Variants in GRIK2 observed in about 807,000 individuals in gnomAD.
The protein encoded by GRIK2 is glutamate ionotropic receptor kainate type subunit 2, also known as glutamate receptor ionotropic, kainate 2.
GRIK2 carries 32 observed loss-of-function variants against 100.3 expected under a neutral mutation model. That is an observed-to-expected ratio of 0.32 (90% CI 0.24 to 0.43). The LOEUF (loss-of-function observed/expected upper bound fraction) is 0.43. GRIK2 is among the 20% of genes least tolerant of loss of function. The probability of loss-of-function intolerance (pLI) is 1.00; values close to 1 mark genes in which losing one functional copy is unlikely to be tolerated. For missense variants in GRIK2, 843 were observed against 1,114.9 expected, an observed-to-expected ratio of 0.76 and a Z score of 3.47; for synonymous variants, 417 against 389.4, an observed-to-expected ratio of 1.07 and a Z score of -0.83.
Position 101,903,784 on chromosome 6 carries a change from CA to C in GRIK2, c.1748+13932del, listed in dbSNP as rs11411245. ...CTCTATAGCCATGAAGAAGTTGGAGCAAAAAAAAAAATAATAGTTGGTAAAT... is the reference window on the plus strand; with the variant it reads ...CTCTATAGCCATGAAGAAGTTGGAGCAAAAAAAAAATAATAGTTGGTAAAT... On this transcript the variant is annotated intron_variant, in intron 12 of 16. Coordinates refer to ENST00000369134, the MANE Select transcript of GRIK2 (RefSeq NM_021956.5). 5.5e-3 allele frequency among the ~76,000 whole-genome samples: 808 copies of C among 147,916 alleles called. 8 individuals carry two copies. Among genetic ancestry groups the C allele is most frequent in the African/African-American group, 0.019 (757 of 40,698 alleles).
intron 2 of GRIK2, among the ~76,000 whole-genome samples, chr6:101,557,665 C>T (rs1456516167): frequency 4.6e-5 from 7 of 152,102 alleles, no homozygotes; most frequent in African/African-American, 9.7e-5. Context: ...TCACAGAAGC[C>T]GCTCTATAAG....
rs1475985064 is a variant in GRIK2 at position 101,565,915 on chromosome 6, TTATATATATATATATATGTGTATATA to T, written c.116-56016_116-55991del. Among the ~76,000 whole-genome samples, 1,030 of 123,308 alleles carry T rather than the reference TTATATATATATATATATGTGTATATA, an allele frequency of 8.4e-3. 35 individuals are homozygous for T. Among genetic ancestry groups the T allele is most frequent in the African/African-American group, 0.035 (998 of 28,658 alleles). 80.9% of individuals were successfully genotyped at this position (123,308 alleles called of 152,430 possible). ...CAATCTTTATCTTTATATACCTATTTTATATATATATATATATGTGTATATATATATATATATATATATAAGCAAAC... is the reference window on the plus strand; with the variant it reads ...CAATCTTTATCTTTATATACCTATTTTATATATATATATATATAAGCAAAC... On this transcript the variant is annotated intron_variant, in intron 2 of 16. Transcript: ENST00000369134.
At chr6:101,650,305 G>A (rs554888920) in intron 4 of GRIK2, among the ~76,000 whole-genome samples, 27 of 152,118 alleles carry the variant, frequency 1.8e-4, no homozygotes, top group Non-Finnish European at 2.9e-4. Context: ...GAGGAAAAAG[G>A]CGTGCTGACC....
chr6:101,693,735 T>TTA (rs1368549651), intron 7 of GRIK2, among the ~76,000 whole-genome samples: 1 of 151,808 alleles, frequency 6.6e-6, no homozygotes, highest in African/African-American at 2.4e-5. Flanking sequence ...AAATAAAAAA[T>TTA]TATATATATC....
chr6:101,643,101 A>C (rs1781357849), intron 4 of GRIK2, among the ~76,000 whole-genome samples: 1 of 151,454 alleles, frequency 6.6e-6, no homozygotes, highest in Non-Finnish European at 1.5e-5. Context: ...AGTTTCAGTA[A>C]TTCTTTCTAT....
intron 14 of GRIK2, among the ~76,000 whole-genome samples, chr6:101,971,442 G>T (rs1448798733): frequency 6.6e-6 from 1 of 151,984 alleles, no homozygotes; most frequent in Non-Finnish European, 1.5e-5. Context: ...AGATGATATA[G>T]GATAGAATGG....
At chr6:101,882,699 A>C (rs1786339611) in intron 11 of GRIK2, among the ~76,000 whole-genome samples, 1 of 152,268 alleles carries the variant, frequency 6.6e-6, no homozygotes, top group East Asian at 1.9e-4. Flanking sequence ...AAATGAACTA[A>C]ATTAATATTT....
chr6:101,497,927 T>A (rs1054079283), intron 2 of GRIK2, among the ~76,000 whole-genome samples: 3 of 151,886 alleles, frequency 2.0e-5, no homozygotes, highest in African/African-American at 7.3e-5. Context: ...GCAGGTTAGT[T>A]ACATATGTAC....
At position 101,645,959 on chromosome 6, in the gene GRIK2, A is replaced by G. The variant is rs547713041; in HGVS notation, c.541+19322A>G. On this transcript the variant is annotated intron_variant, in intron 4 of 16. Coordinates refer to ENST00000369134, the MANE Select transcript of GRIK2 (RefSeq NM_021956.5). Reference sequence around the variant, plus strand: ...ATATGATATTTATACATTTTTGGTGATAAATTCTATCGCCACCTAGTGCTT... The same window carrying G: ...ATATGATATTTATACATTTTTGGTGGTAAATTCTATCGCCACCTAGTGCTT... Among the ~76,000 whole-genome samples the G allele has an allele frequency of 2.0e-5, 3 of 152,072 alleles. No individual in the cohort carries two copies. The South Asian group carries it at 6.2e-4, about 31-fold the overall frequency.
At chr6:101,468,561 G>T (rs1582517764) in intron 2 of GRIK2, among the ~76,000 whole-genome samples, 1 of 152,136 alleles carries the variant, frequency 6.6e-6, no homozygotes, top group Admixed American at 6.6e-5. Context: ...CTAGGCCAAG[G>T]ACTTGTAAAA....
At chr6:101,704,790 C>A (rs1317632039) in intron 7 of GRIK2, among the ~76,000 whole-genome samples, 1 of 150,942 alleles carries the variant, frequency 6.6e-6, no homozygotes, top group Admixed American at 6.6e-5. Flanking sequence ...GACATAATTT[C>A]TTTACACTTC....
intron 7 of GRIK2, among the ~76,000 whole-genome samples, chr6:101,696,319 A>G (rs1451241569): frequency 6.6e-6 from 1 of 151,812 alleles, no homozygotes; most frequent in Non-Finnish European, 1.5e-5. Flanking sequence ...ATAATGCACA[A>G]TAATCCTACC....
intron 2 of GRIK2, among the ~76,000 whole-genome samples, chr6:101,460,458 T>C (rs1771245824): frequency 6.6e-6 from 1 of 152,232 alleles, no homozygotes; most frequent in South Asian, 2.1e-4. Flanking sequence ...CTTGTATTGG[T>C]AATGTAACAC....
intron 7 of GRIK2, among the ~76,000 whole-genome samples, chr6:101,781,212 C>T (rs1779071076): frequency 6.6e-6 from 1 of 151,694 alleles, no homozygotes; most frequent in South Asian, 2.1e-4. Context: ...CTTTCTTATC[C>T]TTATAGTGAT....
chr6:101,922,141 C>CCTCCCTTCCT (rs1554286919), intron 12 of GRIK2, among the ~76,000 whole-genome samples: 2 of 56,454 alleles, frequency 3.5e-5, no homozygotes, highest in Non-Finnish European at 4.0e-5. Flanking sequence ...CCTTCCTTCC[C>CCTCCCTTCCT]TCCCTTCCTC....
intron 2 of GRIK2, among the ~76,000 whole-genome samples, chr6:101,401,856 G>A (rs930404574): frequency 6.6e-6 from 1 of 152,280 alleles, no homozygotes; most frequent in East Asian, 1.9e-4. Context: ...TGGCGCAGCT[G>A]CCCCAGTGGT....
intron 7 of GRIK2, among the ~76,000 whole-genome samples, chr6:101,738,240 A>G (rs1775795707): frequency 6.7e-6 from 1 of 150,114 alleles, no homozygotes. Flanking sequence ...GTCAAATGTC[A>G]ATTGTAATTG....
rs979682330 is a variant in GRIK2 at position 102,045,452 on chromosome 6, A to G, written c.2312-9878A>G. Reference sequence around the variant, plus strand: ...GAAAAAGATAGTGAGAGCATCTCAAATCCATTTTGTTCATTTCTTCTAGAT... The same window carrying G: ...GAAAAAGATAGTGAGAGCATCTCAAGTCCATTTTGTTCATTTCTTCTAGAT... On this transcript the variant is annotated intron_variant, in intron 15 of 16. Transcript: ENST00000369134. 5.8e-4 allele frequency among the ~76,000 whole-genome samples: 89 copies of G among 152,212 alleles called. 1 individual carries two copies. The highest frequency in any genetic ancestry group is 2.1e-3 in the African/African-American group (89 of 41,568).
intron 2 of GRIK2, among the ~76,000 whole-genome samples, chr6:101,548,309 A>G (rs1304794202): frequency 6.6e-6 from 1 of 152,174 alleles, no homozygotes; most frequent in East Asian, 1.9e-4. Flanking sequence ...TGCTCTGCAG[A>G]AGCTCCTTAG....
Sources: gnomAD v4.1 joint callset for allele counts (sites outside exome capture counted in the v4.1 genomes callset) on GRCh38, gnomAD v4.1.1 for gene constraint, MANE v1.5 for transcripts, NCBI Gene and HGNC (gene_info 2026-07-23, HGNC 2026-07-21) for gene names.